ABHD17B: variants seen among roughly 807,000 people sequenced by gnomAD.
ABHD17B encodes the protein abhydrolase domain containing 17B, depalmitoylase, also known as alpha/beta hydrolase domain-containing protein 17B.
ABHD17B carries 9 observed loss-of-function variants against 26.2 expected under a neutral mutation model. The observed-to-expected ratio is 0.34, with a 90% confidence interval of 0.21 to 0.60. ABHD17B has a LOEUF of 0.60. Among genes scored for constraint, ABHD17B ranks in the 20% least tolerant of loss-of-function variants. The pLI, the probability that ABHD17B is intolerant of heterozygous loss-of-function variation, is 0.80. For missense variants in ABHD17B, 224 were observed against 352.1 expected (o/e 0.64, Z 2.91); for synonymous variants, 127 against 122.3 (o/e 1.04, Z -0.25).
rs752418170 is a variant in ABHD17B at position 71,866,919 on chromosome 9, T to G, written c.735A>C (p.Ala245=). The change falls in exon 4 of 4, where the codon GCA becomes GCC. Residue 245 remains alanine (A), a synonymous_variant. Transcript: ENST00000333421. ...CAGGTCTTTGGCAACGTTCAAACAA[T>G]GCGAGGCCATGTGAAAAGTCAATGA... is the stretch of plus-strand genomic sequence containing the variant. ...DEVIDFSHGL[A]LFERCQRPVE... is the part of the protein sequence containing the mutation. 3.1e-6 allele frequency: 5 copies of G among 1,614,050 alleles called. No homozygotes were observed. In the African/African-American group the frequency reaches 6.7e-5, roughly 22 times the overall value.
chr9:71,891,612 C>T (rs1826785987), intron 1 of ABHD17B, among the ~76,000 whole-genome samples: 1 of 152,138 alleles, frequency 6.6e-6, no homozygotes, highest in African/African-American at 2.4e-5. Flanking sequence ...TTTGTGTAAG[C>T]CTATTGACCC....
At chr9:71,900,794 T>C (rs953965054) in intron 1 of ABHD17B, among the ~76,000 whole-genome samples, 2 of 151,908 alleles carry the variant, frequency 1.3e-5, no homozygotes, top group African/African-American at 2.4e-5. Context: ...TCACTCACCA[T>C]CTTTCAGTAT....
chr9:71,903,460 TTC>T (rs1564074823), intron 1 of ABHD17B, among the ~76,000 whole-genome samples: 1 of 152,222 alleles, frequency 6.6e-6, no homozygotes, highest in Non-Finnish European at 1.5e-5. Context: ...TTGATCCAAA[TTC>T]TCTGATTTTC....
At position 71,870,199 on chromosome 9, in the gene ABHD17B, C is replaced by T; in HGVS notation, c.531G>A (p.Val177=). ...YGQSIGTVPS[V]DLAARYESAA... ...CACTCTCATATCGAGCAGCAAGATC[C>T]ACAGACGGTACTGTCCCTATACTTT... Residue 177 remains valine (V), a synonymous_variant, in exon 3 of 4, where the codon GTG becomes GTA. Coordinates refer to ENST00000333421, the MANE Select transcript of ABHD17B (RefSeq NM_001025780.3). 1 of 1,614,038 alleles carries T rather than the reference C, an allele frequency of 6.2e-7. No individual in the cohort carries two copies. Among genetic ancestry groups the T allele is most frequent in the South Asian group, 1.1e-5 (1 of 91,072 alleles).
intron 3 of ABHD17B, among the ~76,000 whole-genome samples, chr9:71,869,295 T>A (rs1589210465): frequency 6.6e-6 from 1 of 152,220 alleles, no homozygotes; most frequent in African/African-American, 2.4e-5. Context: ...TCTGTGTTTT[T>A]AAAATAATTC....
chr9:71,897,105 C>T (rs1037209019), intron 1 of ABHD17B, among the ~76,000 whole-genome samples: 2 of 152,054 alleles, frequency 1.3e-5, no homozygotes, highest in Non-Finnish European at 2.9e-5. Context: ...CCCCTTTTTA[C>T]CTAAAGATTA....
Position 71,866,083 on chromosome 9 carries a change from C to CT in ABHD17B, c.*703dup. 4.1e-6 allele frequency: 4 copies of CT among 985,444 alleles called. No individual in the cohort carries two copies. Among genetic ancestry groups the CT allele is most frequent in the Non-Finnish European group, 4.8e-6 (4 of 829,844 alleles). 61.0% of individuals were successfully genotyped at this position (985,444 alleles called of 1,614,324 possible). ...CAGCATGAAAATTTTAAGTACTTGC[C>CT]TCACAGTACCAAACTTAGAAGTCAA... On this transcript the variant is annotated 3_prime_UTR_variant, in exon 4 of 4. Transcript: ENST00000333421.
intron 1 of ABHD17B, among the ~76,000 whole-genome samples, chr9:71,898,544 C>T (rs900143801): frequency 2.0e-5 from 3 of 151,822 alleles, no homozygotes; most frequent in Non-Finnish European, 4.4e-5. Context: ...GAGGCTGAGG[C>T]AGGAGAATCG....
chr9:71,863,736 T>C (rs1168723551), downstream of ABHD17B, among the ~76,000 whole-genome samples: 1 of 152,184 alleles, frequency 6.6e-6, no homozygotes, highest in African/African-American at 2.4e-5. Context: ...TCTGGTATTG[T>C]GTAATTTTCA....
At chr9:71,879,817 C>T (rs924512164) in intron 1 of ABHD17B, among the ~76,000 whole-genome samples, 2 of 152,118 alleles carry the variant, frequency 1.3e-5, no homozygotes, top group Non-Finnish European at 2.9e-5. Flanking sequence ...ACTATTATTA[C>T]ACCCATTTTG....
intron 1 of ABHD17B, among the ~76,000 whole-genome samples, chr9:71,909,138 T>C (rs962503251): frequency 9.9e-5 from 15 of 152,218 alleles, no homozygotes; most frequent in Non-Finnish European, 5.9e-5. Flanking sequence ...ACTCATCAAC[T>C]AGAATACTGC....
chr9:71,876,636 TA>T (rs926448376), intron 1 of ABHD17B, among the ~76,000 whole-genome samples: 7 of 150,726 alleles, frequency 4.6e-5, no homozygotes, highest in South Asian at 2.1e-4. Context: ...AATATAAGAA[TA>T]GGGGGAAAAA....
downstream of ABHD17B, chr9:71,862,619 A>C (rs760869817): frequency 1.7e-5 from 19 of 1,119,470 alleles, no homozygotes. Flanking sequence ...TGTAAAATAA[A>C]GGGATTAGGC....
Position 71,866,566 on chromosome 9 carries a change from G to GA in ABHD17B, c.*220dup. On this transcript the variant is annotated 3_prime_UTR_variant, in exon 4 of 4. Transcript: ENST00000333421. ...TCTTGATGTTAAAAAAAAATTCACA[G>GA]AAAAAATATAAATTACACAGCCTGA... The GA allele has an allele frequency of 7.5e-7, 1 of 1,342,026 alleles. No homozygotes were observed. The highest frequency in any genetic ancestry group is 9.5e-7 in the Non-Finnish European group (1 of 1,047,966). 83.1% of individuals were successfully genotyped at this position (1,342,026 alleles called of 1,614,324 possible). A position where few individuals can be genotyped will look rare whatever the true frequency, so the allele number is the denominator to read the frequency against.
At position 71,874,612 on chromosome 9, in the gene ABHD17B, A is replaced by G; in HGVS notation, c.467+2T>C. 1 of 1,550,874 alleles carries G rather than the reference A, an allele frequency of 6.4e-7. No homozygotes were observed. The highest frequency in any genetic ancestry group is 8.7e-7 in the Non-Finnish European group (1 of 1,150,210). On this transcript the variant is annotated splice_donor_variant, in intron 2 of 3. Coordinates refer to ENST00000333421, the MANE Select transcript of ABHD17B (RefSeq NM_001025780.3). LOFTEE classifies it high-confidence loss of function. ...GAAAAATAAATTCCAACCACAATTTACCTTGTCCTAAGAGCAAGCCAAGCA... is the reference window on the plus strand; with the variant it reads ...GAAAAATAAATTCCAACCACAATTTGCCTTGTCCTAAGAGCAAGCCAAGCA...
intron 2 of ABHD17B, among the ~76,000 whole-genome samples, chr9:71,872,186 A>C (rs1365325622): frequency 1.3e-5 from 2 of 152,190 alleles, no homozygotes; most frequent in African/African-American, 2.4e-5. Context: ...GGCTCAGAGA[A>C]GTAATATTTC....
chr9:71,874,662 T>C lies in ABHD17B; in HGVS notation c.419A>G (p.Lys140Arg). Residue 140 changes from lysine (K) to arginine (R), a missense_variant, in exon 2 of 4, where the codon AAG (lysine) becomes AGG (arginine). Coordinates refer to ENST00000333421, the MANE Select transcript of ABHD17B (RefSeq NM_001025780.3). ...YGASSGKPTE[K>R]NLYADIEAAW... ...AGCTTCAATGTCTGCATAGAGGTTC[T>C]TCTCTGTGGGTTTCCCGGAACTGGC... The C allele has an allele frequency of 6.2e-7, 1 of 1,612,376 alleles. No individual in the cohort carries two copies. The highest frequency in any genetic ancestry group is 8.5e-7 in the Non-Finnish European group (1 of 1,179,044).
intron 1 of ABHD17B, among the ~76,000 whole-genome samples, chr9:71,875,510 G>A (rs1826246638): frequency 6.6e-6 from 1 of 152,120 alleles, no homozygotes; most frequent in Non-Finnish European, 1.5e-5. Flanking sequence ...CAAGGAGTAA[G>A]CCACCACGCC....
chr9:71,884,540 C>T (rs549519329), intron 1 of ABHD17B, among the ~76,000 whole-genome samples: 2 of 149,858 alleles, frequency 1.3e-5, no homozygotes, highest in South Asian at 4.2e-4. Context: ...GCAAAACAGA[C>T]ATAAACATTA....
Sources: gnomAD v4.1 joint callset for allele counts (sites outside exome capture counted in the v4.1 genomes callset) on GRCh38, gnomAD v4.1.1 for gene constraint, MANE v1.5 for transcripts, NCBI Gene and HGNC (gene_info 2026-07-23, HGNC 2026-07-21) for gene names.